Variants in ALK observed in about 807,000 individuals in gnomAD.
The protein encoded by ALK is ALK receptor tyrosine kinase.
ALK carries 74 observed loss-of-function variants against 163.1 expected under a neutral mutation model. The observed-to-expected ratio is 0.45, with a 90% CI of 0.38 to 0.55. The LOEUF is 0.55. Among genes scored for constraint, ALK ranks in the 20% least tolerant of loss-of-function variants. ALK has a pLI of 0.00. For missense variants in ALK, 2,063 were observed against 2,105.3 expected (o/e 0.98, Z 0.39); for synonymous variants, 960 against 843.2 (o/e 1.14, Z -2.40).
intron 28 of ALK, 70 bp from the exon 29 acceptor site, chr2:29,193,992 A>G (rs1668960509): frequency 1.4e-6 from 2 of 1,422,916 alleles, no homozygotes; most frequent in East Asian, 2.3e-5. Flanking sequence ...GATACCTTAG[A>G]GATGATGTTA....
In ALK at chr2:29,223,325, G is replaced by A. The variant is rs200832204; in HGVS notation, c.3359+17C>T. The A allele has an allele frequency of 3.5e-4, 561 of 1,613,828 alleles. 1 individual carries two copies. Among genetic ancestry groups the A allele is most frequent in the South Asian group, 2.9e-3 (265 of 91,050 alleles). On this transcript the variant is annotated intron_variant, in intron 20 of 28. Transcript: ENST00000389048. ...CACTGCACCCCTCTCCTCCCAGGACGGCAGCAGGGCGCTCACCGAATGAGG... is the reference window on the plus strand; with the variant it reads ...CACTGCACCCCTCTCCTCCCAGGACAGCAGCAGGGCGCTCACCGAATGAGG...
intron 5 of ALK, among the ~76,000 whole-genome samples, chr2:29,340,952 C>A (rs1257631061): frequency 2.0e-5 from 3 of 152,164 alleles, no homozygotes; most frequent in African/African-American, 7.2e-5. Flanking sequence ...AGTCTGTCTG[C>A]CTGACTAGCA....
chr2:29,490,266 G>A (rs893416948), intron 4 of ALK, among the ~76,000 whole-genome samples: 1 of 152,220 alleles, frequency 6.6e-6, no homozygotes, highest in Non-Finnish European at 1.5e-5. Context: ...GGCGGAGGAG[G>A]GGCTAACACT....
chr2:29,917,536 T>G (rs1479894785), intron 1 of ALK, among the ~76,000 whole-genome samples: 1 of 152,174 alleles, frequency 6.6e-6, no homozygotes, highest in East Asian at 1.9e-4. Context: ...ACACAGAACA[T>G]GGTATAGCAA....
At chr2:29,755,925 AG>A (rs2148333823) in intron 1 of ALK, among the ~76,000 whole-genome samples, 1 of 152,330 alleles carries the variant, frequency 6.6e-6, no homozygotes, top group African/African-American at 2.4e-5. Flanking sequence ...TGAACTGAAA[AG>A]AATAACAAAC....
chr2:29,839,704 T>C (rs1216606762), intron 1 of ALK, among the ~76,000 whole-genome samples: 9 of 152,168 alleles, frequency 5.9e-5, no homozygotes, highest in African/African-American at 1.7e-4. Flanking sequence ...TCTCTGCCAA[T>C]AGAAAATTCT....
At chr2:29,863,760 C>T (rs1251849934) in intron 1 of ALK, among the ~76,000 whole-genome samples, 1 of 152,178 alleles carries the variant, frequency 6.6e-6, no homozygotes, top group Non-Finnish European at 1.5e-5. Context: ...TATGATCCAG[C>T]AATCCTACTA....
intron 4 of ALK, among the ~76,000 whole-genome samples, chr2:29,475,441 C>T (rs909471712): frequency 1.3e-5 from 2 of 152,186 alleles, no homozygotes; most frequent in African/African-American, 4.8e-5. Context: ...GCCTCTCCCG[C>T]CATCTTTTCC....
chr2:29,624,235 G>A (rs541572393), intron 3 of ALK, among the ~76,000 whole-genome samples: 1 of 98,904 alleles, frequency 1.0e-5, no homozygotes, highest in East Asian at 3.4e-4. Flanking sequence ...GTGTGAGGGA[G>A]GCCAGTGTTG....
chr2:29,791,504 G>A (rs1664188262), intron 1 of ALK, among the ~76,000 whole-genome samples: 1 of 152,166 alleles, frequency 6.6e-6, no homozygotes, highest in South Asian at 2.1e-4. Flanking sequence ...GGGAGAGATA[G>A]CATTAGGATA....
chr2:29,379,401 G>A (rs937534169), intron 5 of ALK, among the ~76,000 whole-genome samples: 19 of 152,198 alleles, frequency 1.2e-4, no homozygotes, highest in African/African-American at 4.3e-4. Context: ...ACATGTATTC[G>A]TGTGGTGTTT....
chr2:29,719,015 C>G (rs1400567721), intron 1 of ALK, among the ~76,000 whole-genome samples: 1 of 152,144 alleles, frequency 6.6e-6, no homozygotes, highest in Non-Finnish European at 1.5e-5. Context: ...TAGGATAAAC[C>G]CCACTTCACA....
chr2:29,321,221 C>T (rs1293331892), intron 6 of ALK, among the ~76,000 whole-genome samples: 1 of 152,192 alleles, frequency 6.6e-6, no homozygotes, highest in East Asian at 1.9e-4. Flanking sequence ...AACAGATAAC[C>T]CAGTTAGGAC....
chr2:29,210,990 C>T (rs1162465121), intron 24 of ALK, among the ~76,000 whole-genome samples: 1 of 152,132 alleles, frequency 6.6e-6, no homozygotes, highest in Non-Finnish European at 1.5e-5. Flanking sequence ...TATTAAGGTC[C>T]TGTGCAGGAA....
chr2:29,828,698 C>A (rs545083058), intron 1 of ALK, among the ~76,000 whole-genome samples: 1 of 152,278 alleles, frequency 6.6e-6, no homozygotes, highest in East Asian at 1.9e-4. Flanking sequence ...GAAATAGGAA[C>A]ACTTTTACAC....
chr2:29,863,874 A>G (rs1258692407), intron 1 of ALK, among the ~76,000 whole-genome samples: 1 of 152,200 alleles, frequency 6.6e-6, no homozygotes, highest in African/African-American at 2.4e-5. Context: ...TTCATAAGTC[A>G]GACCTGCATT....
In ALK at chr2:29,436,918, G is replaced by GTTC. The variant is rs1670414927; in HGVS notation, c.1155-53060_1155-53059insGAA. Among the ~76,000 whole-genome samples the GTTC allele has an allele frequency of 2.6e-5, 4 of 152,286 alleles. No individual in the cohort carries two copies. In the East Asian group the frequency reaches 5.8e-4, roughly 22 times the overall value. ...ACCACTTAGGGAGCACAGGCCCGAAGATCTGTATGACATGGAACTCAGCAG... is the reference window on the plus strand; with the variant it reads ...ACCACTTAGGGAGCACAGGCCCGAAGTTCATCTGTATGACATGGAACTCAGCAG... On this transcript the variant is annotated intron_variant, in intron 4 of 28. Coordinates refer to ENST00000389048, the MANE Select transcript of ALK (RefSeq NM_004304.5).
At chr2:29,716,341 C>T (rs960682787) in intron 2 of ALK, among the ~76,000 whole-genome samples, 2 of 152,224 alleles carry the variant, frequency 1.3e-5, no homozygotes, top group African/African-American at 4.8e-5. Flanking sequence ...AGGCTTTATG[C>T]ATATCTTCCA....
intron 4 of ALK, among the ~76,000 whole-genome samples, chr2:29,502,592 G>A (rs915137368): frequency 6.6e-5 from 10 of 152,158 alleles, no homozygotes; most frequent in Admixed American, 5.9e-4. Context: ...TTTATCAAGG[G>A]CTTGGTATTA....
Sources: allele counts gnomAD v4.1 joint callset (sites outside exome capture counted in the v4.1 genomes callset), GRCh38; gene constraint gnomAD v4.1.1; transcripts MANE v1.5; gene names NCBI Gene and HGNC (gene_info 2026-07-23, HGNC 2026-07-21).